NPC1: variants seen among roughly 807,000 people sequenced by gnomAD.
NPC1 encodes the protein Niemann-Pick C1 protein.
In NPC1, 85 loss-of-function variants were observed where a neutral mutation model predicts 140.4. That is an observed-to-expected ratio of 0.61 (90% CI 0.51 to 0.72). The LOEUF (loss-of-function observed/expected upper bound fraction) is 0.72. Among genes scored for constraint, NPC1 ranks in the 30% least tolerant of loss-of-function variants. The pLI, the probability that NPC1 is intolerant of heterozygous loss-of-function variation, is 0.00. For missense variants in NPC1, 1,504 were observed against 1,623.8 expected (o/e 0.93, Z 1.27); for synonymous variants, 656 against 624.8 (o/e 1.05, Z -0.74).
downstream of NPC1, among the ~76,000 whole-genome samples, chr18:23,525,157 G>A (rs1266290839): frequency 2.0e-5 from 3 of 151,480 alleles, no homozygotes; most frequent in East Asian, 5.9e-4. Context: ...TGTTGGTCAG[G>A]CTGGTCTCAA....
Position 23,544,943 on chromosome 18 carries a change from A to AACCCCCCCCCCCCCCCCCC in NPC1, c.1947+16_1947+17insGGGGGGGGGGGGGGGGGGT. 2 of 1,032,974 alleles carry AACCCCCCCCCCCCCCCCCC rather than the reference A, an allele frequency of 1.9e-6. No homozygotes were observed. Among genetic ancestry groups the AACCCCCCCCCCCCCCCCCC allele is most frequent in the Non-Finnish European group, 1.4e-6 (1 of 712,978 alleles). 64.0% of individuals were successfully genotyped at this position (1,032,974 alleles called of 1,614,324 possible). A position where few individuals can be genotyped will look rare whatever the true frequency, so the allele number is the denominator to read the frequency against. ...GCTGTTAACCTCTAGAACATACACC[A>AACCCCCCCCCCCCCCCCCC]CCCCCCCCCGGCTTACCAGAAGCCT... On this transcript the variant is annotated intron_variant, in intron 12 of 24. Transcript: ENST00000269228.
At chr18:23,547,476 C>CA (rs1227982711) in intron 11 of NPC1, among the ~76,000 whole-genome samples, 1 of 152,176 alleles carries the variant, frequency 6.6e-6, no homozygotes, top group Non-Finnish European at 1.5e-5. Flanking sequence ...TGCAGTGGCT[C>CA]ACACCTGTAA....
downstream of NPC1, chr18:23,529,035 GA>G: frequency 2.2e-6 from 3 of 1,362,956 alleles, no homozygotes; most frequent in Non-Finnish European, 2.9e-6. Flanking sequence ...ATGCGCACAG[GA>G]AAAAGTTGTA....
intron 4 of NPC1, among the ~76,000 whole-genome samples, chr18:23,567,299 T>C (rs1336850137): frequency 6.6e-6 from 1 of 152,178 alleles, no homozygotes; most frequent in African/African-American, 2.4e-5. Flanking sequence ...TTGCCAGCAT[T>C]TGGTGTTGAA....
chr18:23,527,950 C>T (rs372795435), downstream of NPC1: 171 of 1,413,594 alleles, frequency 1.2e-4, no homozygotes, highest in South Asian at 3.6e-4. Context: ...CACCCCCTCC[C>T]GGGTATTTTC....
Position 23,556,337 on chromosome 18 carries a change from C to CGGATGATGAGCT in NPC1, c.1220_1231dup (p.Gln407_Ile410dup). 1 of 1,614,022 alleles carries CGGATGATGAGCT rather than the reference C, an allele frequency of 6.2e-7. No homozygotes were observed. Among genetic ancestry groups the CGGATGATGAGCT allele is most frequent in the South Asian group, 1.1e-5 (1 of 91,076 alleles). The stretch of plus-strand genomic sequence containing the variant: ...AATGTGTTTGTCAGTGAGAGGGGCC[C>CGGATGATGAGCT]GGATGATGAGCTGCTCCGTCCGGAA... On this transcript the variant is annotated inframe_insertion, in exon 8 of 25. Coordinates refer to ENST00000269228, the MANE Select transcript of NPC1 (RefSeq NM_000271.5).
intron 10 of NPC1, among the ~76,000 whole-genome samples, chr18:23,550,572 C>G (rs1362317665): frequency 6.9e-6 from 1 of 144,292 alleles, no homozygotes; most frequent in African/African-American, 2.6e-5. Context: ...AGCTCTGCCT[C>G]CCGGGTTCAC....
At chr18:23,557,542 G>A (rs2058972652) in intron 6 of NPC1, among the ~76,000 whole-genome samples, 1 of 152,228 alleles carries the variant, frequency 6.6e-6, no homozygotes, top group African/African-American at 2.4e-5. Flanking sequence ...GGATCACGAG[G>A]TCAAGAGATC....
intron 6 of NPC1, 44 bp downstream of exon 6, chr18:23,560,187 C>T (rs1324307005): frequency 1.2e-6 from 2 of 1,613,072 alleles, no homozygotes; most frequent in Non-Finnish European, 8.5e-7. Flanking sequence ...TGCCAGTGGG[C>T]AATTTTGCTC....
intron 9 of NPC1, among the ~76,000 whole-genome samples, chr18:23,552,599 G>A (rs1432778424): frequency 6.6e-6 from 1 of 152,198 alleles, no homozygotes; most frequent in Non-Finnish European, 1.5e-5. Flanking sequence ...AGATGTTAGC[G>A]CAATGGCGCA....
At chr18:23,576,522 G>A in intron 1 of NPC1, 1 of 1,001,074 alleles carries the variant, frequency 1.0e-6, no homozygotes, top group South Asian at 4.6e-5. Context: ...TATTTTAAAT[G>A]CTCTTCACAT....
chr18:23,541,546 T>G, intron 14 of NPC1, 113 bp from the exon 15 acceptor site: 1 of 1,358,828 alleles, frequency 7.4e-7, no homozygotes, highest in Non-Finnish European at 1.0e-6. Flanking sequence ...GCCAAACGCA[T>G]GAGAAGGCAT....
intron 1 of NPC1, among the ~76,000 whole-genome samples, chr18:23,582,871 G>T (rs2145590647): frequency 6.6e-6 from 1 of 151,662 alleles, no homozygotes; most frequent in Middle Eastern, 3.5e-3. Context: ...AGCACTTTGG[G>T]AGGCCAAGGT....
chr18:23,544,944 C>CCCCCA lies in NPC1; in HGVS notation c.1947+15_1947+16insTGGGG, dbSNP rs1555634623. The CCCCCA allele has an allele frequency of 8.0e-5, 68 of 850,728 alleles. 2 individuals carry two copies. The highest frequency in any genetic ancestry group is 2.7e-4 in the Middle Eastern group (1 of 3,726). 52.7% of individuals were successfully genotyped at this position (850,728 alleles called of 1,614,324 possible). ...CTGTTAACCTCTAGAACATACACCA[C>CCCCCA]CCCCCCCCGGCTTACCAGAAGCCTG... On this transcript the variant is annotated intron_variant, in intron 12 of 24. Transcript: ENST00000269228.
chr18:23,580,760 G>C (rs939662704), intron 1 of NPC1, among the ~76,000 whole-genome samples: 1 of 152,210 alleles, frequency 6.6e-6, no homozygotes, highest in Admixed American at 6.5e-5. Context: ...GACAACACAG[G>C]CTGGAGTGGA....
chr18:23,530,802 C>T (rs2058472886), downstream of NPC1, among the ~76,000 whole-genome samples: 1 of 152,280 alleles, frequency 6.6e-6, no homozygotes, highest in Admixed American at 6.5e-5. Flanking sequence ...CTGAATTATG[C>T]TCTGGAACTC....
At chr18:23,548,866 T>C (rs780547181) in intron 10 of NPC1, among the ~76,000 whole-genome samples, 1 of 152,096 alleles carries the variant, frequency 6.6e-6, no homozygotes, top group Non-Finnish European at 1.5e-5. Context: ...TCGCGGCTTT[T>C]TGTGGCCTTG....
rs2058571813 is a variant in NPC1 at position 23,533,424 on chromosome 18, A to G, written c.3685T>C (p.Tyr1229His). ...GCTCCCAGTAAGACCATGGCCAAAT[A>G]CATCCTGAAGTAGAATATCTGGAAA... ...QIFQIFYFRMYLAMVLLGATH... is the reference protein window; with the variant it reads ...QIFQIFYFRMHLAMVLLGATH... The change falls in exon 24 of 25, where the codon TAT (tyrosine) becomes CAT (histidine). Residue 1229 changes from tyrosine (Y) to histidine (H), a missense_variant. Physicochemically the swap from Tyr to His is moderately conservative, Grantham distance 83. Coordinates refer to ENST00000269228, the MANE Select transcript of NPC1 (RefSeq NM_000271.5). 6.2e-7 allele frequency: 1 copy of G among 1,614,220 alleles called. No homozygotes were observed. The highest frequency in any genetic ancestry group is 2.2e-5 in the East Asian group (1 of 44,888).
At chr18:23,553,625 A>G (rs2058906628) in intron 9 of NPC1, among the ~76,000 whole-genome samples, 1 of 152,230 alleles carries the variant, frequency 6.6e-6, no homozygotes, top group African/African-American at 2.4e-5. Flanking sequence ...TGCTGAAGAA[A>G]TAGCCACTGT....
Sources: allele counts gnomAD v4.1 joint callset (sites outside exome capture counted in the v4.1 genomes callset), GRCh38; gene constraint gnomAD v4.1.1; transcripts MANE v1.5; gene names NCBI Gene and HGNC (gene_info 2026-07-23, HGNC 2026-07-21).